WDR37: variants seen among roughly 807,000 people sequenced by gnomAD.
WDR37 encodes the protein WD repeat-containing protein 37.
A neutral mutation model predicts 62.9 loss-of-function variants in WDR37; 19 were observed. The ratio of observed to expected loss-of-function variants is 0.30; its 90% CI spans 0.21 to 0.44. WDR37 has a LOEUF of 0.44. Ranked by LOEUF, WDR37 falls within the 20% of genes least tolerant of loss-of-function variation. The pLI is 1.00. For missense variants in WDR37, 474 were observed against 657.6 expected (o/e 0.72, Z 3.05); for synonymous variants, 250 against 260.9 (o/e 0.96, Z 0.40).
intron 1 of WDR37, among the ~76,000 whole-genome samples, chr10:1,061,130 T>G (rs541979666): frequency 6.6e-6 from 1 of 152,226 alleles, no homozygotes; most frequent in Non-Finnish European, 1.5e-5. Flanking sequence ...TTAGTGACTC[T>G]TTGTATTTAT....
intron 9 of WDR37, among the ~76,000 whole-genome samples, chr10:1,097,448 C>G (rs935001881): frequency 6.6e-6 from 1 of 152,238 alleles, no homozygotes; most frequent in African/African-American, 2.4e-5. Context: ...CCAGAGCTGC[C>G]TGGGCGAGAA....
intron 11 of WDR37, among the ~76,000 whole-genome samples, chr10:1,122,953 T>A (rs1284367109): frequency 1.3e-5 from 2 of 152,238 alleles, no homozygotes; most frequent in Admixed American, 1.3e-4. Context: ...TAGCACCATG[T>A]CAAACACTTT....
chr10:1,086,559 C>T (rs1320523898), intron 7 of WDR37, among the ~76,000 whole-genome samples: 1 of 152,182 alleles, frequency 6.6e-6, no homozygotes, highest in Non-Finnish European at 1.5e-5. Context: ...AAGCTTAACT[C>T]CCTAAACAAT....
intron 11 of WDR37, among the ~76,000 whole-genome samples, chr10:1,107,150 G>C (rs2131666731): frequency 6.6e-6 from 1 of 152,368 alleles, no homozygotes; most frequent in South Asian, 2.1e-4. Context: ...CTGCAGGCCA[G>C]CTCATTGGTG....
intron 1 of WDR37, among the ~76,000 whole-genome samples, chr10:1,069,389 A>ATATATATATATATATATGTATT: frequency 1.0e-5 from 1 of 95,780 alleles, no homozygotes; most frequent in East Asian, 3.4e-4. Context: ...ATATATATAT[A>ATATATATATATATATATGTATT]TTTTTTTTTT....
chr10:1,120,938 C>T (rs1330571186), intron 11 of WDR37, among the ~76,000 whole-genome samples: 1 of 152,218 alleles, frequency 6.6e-6, no homozygotes, highest in Non-Finnish European at 1.5e-5. Context: ...GCGGAGGGAG[C>T]GGAATGTTCC....
Position 1,124,910 on chromosome 10 carries a change from G to A in WDR37, c.1239G>A (p.Arg413=). 9 of 1,614,082 alleles carry A rather than the reference G, an allele frequency of 5.6e-6. No individual in the cohort carries two copies. Among genetic ancestry groups the A allele is most frequent in the Non-Finnish European group, 7.6e-6 (9 of 1,179,990 alleles). The change falls in exon 13 of 14, where the codon AGG becomes AGA. Residue 413 remains arginine, a splice_region_variant and synonymous_variant. Transcript: ENST00000263150. ...ATIRTDSAIN[R]INVCVGQKII... ...ACCCACTTTTACCTCTTCTTTGCAG[G>A]ATCAATGTATGTGTCGGCCAAAAAA...
intron 1 of WDR37, among the ~76,000 whole-genome samples, chr10:1,057,617 AC>A (rs1833233715): frequency 6.6e-6 from 1 of 152,176 alleles, no homozygotes; most frequent in Non-Finnish European, 1.5e-5. Context: ...ACATTTTAAG[AC>A]AGCTGTTCAC....
At chr10:1,090,967 A>G (rs1834366816) in intron 7 of WDR37, among the ~76,000 whole-genome samples, 1 of 152,098 alleles carries the variant, frequency 6.6e-6, no homozygotes, top group Non-Finnish European at 1.5e-5. Flanking sequence ...ACCGTCCACT[A>G]TGGAAGGTGA....
chr10:1,122,946 C>T (rs1407248139), intron 11 of WDR37, among the ~76,000 whole-genome samples: 1 of 152,232 alleles, frequency 6.6e-6, no homozygotes, highest in Non-Finnish European at 1.5e-5. Context: ...ATATACTTAG[C>T]ACCATGTCAA....
At chr10:1,084,373 G>C (rs1307315451) in intron 5 of WDR37, 30 bp from the exon 6 acceptor site, 2 of 1,595,788 alleles carry the variant, frequency 1.3e-6, no homozygotes, top group Non-Finnish European at 1.7e-6. Flanking sequence ...TCAGTAAATT[G>C]TTTCACAAGA....
intron 13 of WDR37, among the ~76,000 whole-genome samples, chr10:1,126,275 G>T (rs140034002): frequency 6.6e-6 from 1 of 151,876 alleles, no homozygotes; most frequent in Non-Finnish European, 1.5e-5. Flanking sequence ...GCGTGGTGGC[G>T]GGCGTCTGTA....
intron 13 of WDR37, among the ~76,000 whole-genome samples, chr10:1,126,294 T>A (rs1307747172): frequency 6.6e-6 from 1 of 151,304 alleles, no homozygotes; most frequent in Non-Finnish European, 1.5e-5. Flanking sequence ...TAGTCCCAGC[T>A]ACTCGGGAGG....
chr10:1,078,311 C>T (rs1833937887), intron 3 of WDR37, among the ~76,000 whole-genome samples: 1 of 152,164 alleles, frequency 6.6e-6, no homozygotes. Context: ...TATTAATATA[C>T]CATCATTTGA....
At chr10:1,123,523 A>G (rs1014335184) in intron 11 of WDR37, among the ~76,000 whole-genome samples, 1 of 152,224 alleles carries the variant, frequency 6.6e-6, no homozygotes, top group African/African-American at 2.4e-5. Flanking sequence ...CATTCATGTC[A>G]TAGCACGTGT....
intron 11 of WDR37, among the ~76,000 whole-genome samples, chr10:1,120,513 CAAAGTAAT>C (rs1364844638): frequency 2.0e-5 from 3 of 152,230 alleles, no homozygotes; most frequent in East Asian, 3.9e-4. Flanking sequence ...GTTGACATGC[CAAAGTAAT>C]AAAGTAATAA....
intron 8 of WDR37, 30 bp from the exon 9 acceptor site, chr10:1,096,140 T>C (rs1834566871): frequency 6.2e-7 from 1 of 1,612,050 alleles, no homozygotes; most frequent in Non-Finnish European, 8.5e-7. Context: ...GTCTGTGCCT[T>C]GGGTAATTTT....
At chr10:1,096,379 A>C in intron 9 of WDR37, 133 bp downstream of exon 9, 2 of 954,340 alleles carry the variant, frequency 2.1e-6, no homozygotes, top group Non-Finnish European at 3.2e-6. Context: ...CACCCCCGGT[A>C]TGGTTGAATT....
At chr10:1,068,404 C>G (rs1188725214) in intron 1 of WDR37, among the ~76,000 whole-genome samples, 1 of 150,118 alleles carries the variant, frequency 6.7e-6, no homozygotes. Context: ...TTGCAGTGAG[C>G]CGAGATTGAG....
Sources: gnomAD v4.1 joint callset for allele counts (sites outside exome capture counted in the v4.1 genomes callset) on GRCh38, gnomAD v4.1.1 for gene constraint, MANE v1.5 for transcripts, NCBI Gene and HGNC (gene_info 2026-07-23, HGNC 2026-07-21) for gene names.